P3H2: variants seen among roughly 807,000 people sequenced by gnomAD.
P3H2 encodes prolyl 3-hydroxylase 2, also known as leprecan-like 1.
P3H2 carries 80 observed loss-of-function variants against 87.0 expected under a neutral mutation model. The observed-to-expected ratio is 0.92, with a 90% CI of 0.77 to 1.11. P3H2 has a LOEUF of 1.11. Among genes scored for constraint, P3H2 ranks in the 50% least tolerant of loss-of-function variants. P3H2 has a pLI of 0.00. For missense variants in P3H2, 1,001 were observed against 923.9 expected (o/e 1.08, Z -1.08); for synonymous variants, 367 against 359.3 (o/e 1.02, Z -0.24).
intron 3 of P3H2, among the ~76,000 whole-genome samples, chr3:189,990,868 T>A (rs936669378): frequency 1.3e-5 from 2 of 152,222 alleles, no homozygotes; most frequent in African/African-American, 4.8e-5. Context: ...TTATGAGATC[T>A]CTATTCTTTT....
intron 11 of P3H2, among the ~76,000 whole-genome samples, chr3:189,972,324 G>A (rs1723201109): frequency 6.6e-6 from 1 of 152,104 alleles, no homozygotes; most frequent in Non-Finnish European, 1.5e-5. Context: ...ACAATGGGAA[G>A]GAAATGAAAA....
At chr3:190,066,143 G>GTATATATATATATATATATA (rs60898721) in intron 1 of P3H2, among the ~76,000 whole-genome samples, 8 of 138,800 alleles carry the variant, frequency 5.8e-5, no homozygotes, top group African/African-American at 2.3e-4. Flanking sequence ...ACTGTGGTGT[G>GTATATATATATATATATATA]TATATATATA....
At chr3:190,093,527 C>A (rs759876009) in intron 1 of P3H2, among the ~76,000 whole-genome samples, 1 of 152,102 alleles carries the variant, frequency 6.6e-6, no homozygotes, top group Admixed American at 6.5e-5. Context: ...AGTGTCCTCA[C>A]GGTTGTTGAA....
At chr3:190,111,034 T>C (rs1712050244) in intron 1 of P3H2, among the ~76,000 whole-genome samples, 1 of 152,170 alleles carries the variant, frequency 6.6e-6, no homozygotes, top group South Asian at 2.1e-4. Context: ...TCTGACGTTT[T>C]GGATCTCCCT....
chr3:190,003,488 T>G (rs1432487544), intron 1 of P3H2, among the ~76,000 whole-genome samples: 2 of 123,920 alleles, frequency 1.6e-5, no homozygotes, highest in Non-Finnish European at 3.6e-5. Flanking sequence ...TGAAATGCCC[T>G]TGATGTTAAA....
chr3:190,036,281 T>G (rs1014640744), intron 1 of P3H2, among the ~76,000 whole-genome samples: 1 of 152,208 alleles, frequency 6.6e-6, no homozygotes, highest in African/African-American at 2.4e-5. Context: ...AATGATGCAT[T>G]CCACATATTT....
chr3:190,075,471 G>A (rs530970973), intron 1 of P3H2, among the ~76,000 whole-genome samples: 1 of 149,288 alleles, frequency 6.7e-6, no homozygotes, highest in African/African-American at 2.5e-5. Flanking sequence ...GGCAACAAGA[G>A]GGAAACTCCG....
rs193201772 is a variant in P3H2, at chr3:189,971,802, C to T, written c.1817+88G>A. The T allele has an allele frequency of 1.8e-3, 1,513 of 830,848 alleles. 6 individuals carry two copies. The highest frequency in any genetic ancestry group is 2.8e-3 in the Non-Finnish European group (1,308 of 468,038). The allele number at this position is 830,848 out of a possible 1,614,324, so 51.5% of individuals were successfully genotyped here. On this transcript the variant is annotated intron_variant, in intron 12 of 14. Coordinates refer to ENST00000319332, the MANE Select transcript of P3H2 (RefSeq NM_018192.4). ...TTCTGCCTTGGAGATATGAACACGACGTCAAGCAAAACAGAGCACCTTTCC... is the reference window on the plus strand; with the variant it reads ...TTCTGCCTTGGAGATATGAACACGATGTCAAGCAAAACAGAGCACCTTTCC...
intron 1 of P3H2, among the ~76,000 whole-genome samples, chr3:190,104,133 G>C (rs530191435): frequency 2.6e-5 from 4 of 152,254 alleles, no homozygotes; most frequent in Admixed American, 2.6e-4. Context: ...ACAAAACTCT[G>C]CTAGAGATCT....
At chr3:190,047,660 T>C (rs985637871) in intron 1 of P3H2, among the ~76,000 whole-genome samples, 14 of 152,134 alleles carry the variant, frequency 9.2e-5, no homozygotes, top group Non-Finnish European at 2.1e-4. Context: ...TATGTTAAGG[T>C]AAATAAGCCA....
intron 1 of P3H2, among the ~76,000 whole-genome samples, chr3:190,089,296 C>A (rs1220083484): frequency 6.6e-6 from 1 of 152,224 alleles, no homozygotes; most frequent in South Asian, 2.1e-4. Flanking sequence ...TGCAGCACAC[C>A]AACATAGCAC....
intron 1 of P3H2, among the ~76,000 whole-genome samples, chr3:190,103,435 TC>T: frequency 6.6e-6 from 1 of 152,240 alleles, no homozygotes; most frequent in Non-Finnish European, 1.5e-5. Flanking sequence ...AAACTTTTTT[TC>T]CCTATTCCAA....
chr3:190,027,249 C>G (rs569886284), intron 1 of P3H2, among the ~76,000 whole-genome samples: 27 of 152,180 alleles, frequency 1.8e-4, no homozygotes, highest in Non-Finnish European at 3.7e-4. Context: ...CCACTTAGCT[C>G]TGGACAGAGA....
At chr3:190,108,940 T>C (rs575381915) in intron 1 of P3H2, among the ~76,000 whole-genome samples, 1 of 152,358 alleles carries the variant, frequency 6.6e-6, no homozygotes, top group African/African-American at 2.4e-5. Flanking sequence ...TCCTTCTCTT[T>C]CCTGAAGAAG....
intron 1 of P3H2, among the ~76,000 whole-genome samples, chr3:190,024,365 T>C (rs1464061521): frequency 6.6e-5 from 10 of 151,840 alleles, no homozygotes; most frequent in African/African-American, 2.2e-4. Context: ...GGTGAAACCC[T>C]GTCTTTACTA....
At position 189,969,230 on chromosome 3, in the gene P3H2, C is replaced by T. The variant is rs181833372; in HGVS notation, c.1893+1586G>A. 4.0e-6 allele frequency: 3 copies of T among 756,564 alleles called. No individual in the cohort carries two copies. The East Asian group carries it at 7.7e-5, about 19-fold the overall frequency. 46.9% of individuals were successfully genotyped at this position (756,564 alleles called of 1,614,324 possible). On this transcript the variant is annotated intron_variant, in intron 13 of 14. Coordinates refer to ENST00000319332, the MANE Select transcript of P3H2 (RefSeq NM_018192.4). Reference sequence around the variant, plus strand: ...TAATCTGTCACCATGGCAATACTCGCATAACAAATTCCAGCCTCTTTAGTG... The same window carrying T: ...TAATCTGTCACCATGGCAATACTCGTATAACAAATTCCAGCCTCTTTAGTG...
intron 1 of P3H2, among the ~76,000 whole-genome samples, chr3:190,102,909 G>T (rs1478387434): frequency 6.6e-6 from 1 of 152,126 alleles, no homozygotes; most frequent in Non-Finnish European, 1.5e-5. Flanking sequence ...CCACCAACCT[G>T]ATCAGTCAGC....
chr3:190,099,152 T>C (rs966096862), intron 1 of P3H2, among the ~76,000 whole-genome samples: 2 of 152,208 alleles, frequency 1.3e-5, no homozygotes, highest in Non-Finnish European at 2.9e-5. Flanking sequence ...AAGTTTCACT[T>C]CTTGCAGCAA....
chr3:190,075,819 G>A (rs1184051591), intron 1 of P3H2, among the ~76,000 whole-genome samples: 1 of 152,230 alleles, frequency 6.6e-6, no homozygotes, highest in Non-Finnish European at 1.5e-5. Context: ...ATTTTCAGAT[G>A]AAGACAGTCA....
Sources: allele counts gnomAD v4.1 joint callset (sites outside exome capture counted in the v4.1 genomes callset), GRCh38; gene constraint gnomAD v4.1.1; transcripts MANE v1.5; gene names NCBI Gene and HGNC (gene_info 2026-07-23, HGNC 2026-07-21).